The following SNX20 variants were observed in gnomAD, a reference collection of about 807,000 sequenced individuals.
SNX20 encodes sorting nexin-20.
In SNX20, 21 loss-of-function variants were observed where a neutral mutation model predicts 24.5. That is an observed-to-expected ratio of 0.86 (90% CI 0.61 to 1.23). SNX20 has a LOEUF of 1.23. Ranked by LOEUF, SNX20 falls within the 50% of genes most tolerant of loss-of-function variation. The probability of loss-of-function intolerance (pLI) is 0.00; values close to 1 mark genes in which losing one functional copy is unlikely to be tolerated. For missense variants in SNX20, 433 were observed against 430.8 expected (o/e 1.00, Z -0.04); for synonymous variants, 206 against 192.8 (o/e 1.07, Z -0.57).
chr16:50,670,722 TG>T (rs1963028446), downstream of SNX20: 3 of 152,276 alleles, frequency 2.0e-5, no homozygotes. Context: ...CTGCAGCATA[TG>T]GGAGATGCCA....
intron 1 of SNX20, among the ~76,000 whole-genome samples, chr16:50,680,099 C>T (rs1963264355): frequency 6.6e-6 from 1 of 152,224 alleles, no homozygotes; most frequent in Admixed American, 6.5e-5. Flanking sequence ...ATGGTTGTCT[C>T]TTACAGGTTT....
chr16:50,668,252 CT>C, downstream of SNX20: 6 of 1,424,646 alleles, frequency 4.2e-6, no homozygotes, highest in Non-Finnish European at 5.5e-6. Flanking sequence ...AACTTACCTC[CT>C]TTTGCAGGAC....
At position 50,672,096 on chromosome 16, in the gene SNX20, C is replaced by G. The variant is rs1963062330; in HGVS notation, c.*1310G>C. On this transcript the variant is annotated 3_prime_UTR_variant, in exon 4 of 4. Transcript: ENST00000330943. Reference sequence around the variant, plus strand: ...TCCAAGCCCTGTGTTGAATCTAGGTCATTGGTCCAGATGCCCCTTCATTCT... The same window carrying G: ...TCCAAGCCCTGTGTTGAATCTAGGTGATTGGTCCAGATGCCCCTTCATTCT... The G allele has an allele frequency of 6.6e-6, 1 of 152,238 alleles. No individual in the cohort carries two copies. The highest frequency in any genetic ancestry group is 2.4e-5 in the African/African-American group (1 of 41,458). 9.4% of individuals were successfully genotyped at this position (152,238 alleles called of 1,614,324 possible).
intron 1 of SNX20, among the ~76,000 whole-genome samples, chr16:50,679,264 A>AGATGGGG (rs989578916): frequency 1.2e-4 from 18 of 152,300 alleles, no homozygotes; most frequent in African/African-American, 3.6e-4. Flanking sequence ...CCCTGAGCAC[A>AGATGGGG]GATGGGGGCG....
At chr16:50,679,384 G>T (rs1350839549) in intron 1 of SNX20, among the ~76,000 whole-genome samples, 1 of 152,208 alleles carries the variant, frequency 6.6e-6, no homozygotes, top group Non-Finnish European at 1.5e-5. Flanking sequence ...CTGCACTTCA[G>T]GGGGAAGTGC....
downstream of SNX20, chr16:50,668,574 A>C (rs906964878): frequency 9.8e-7 from 1 of 1,015,424 alleles, no homozygotes; most frequent in African/African-American, 1.7e-5. Flanking sequence ...AAAGGAAAAC[A>C]GCTGGTGATT....
chr16:50,674,657 G>A (rs768453869), intron 3 of SNX20, among the ~76,000 whole-genome samples: 7 of 152,176 alleles, frequency 4.6e-5, no homozygotes, highest in Non-Finnish European at 7.3e-5. Flanking sequence ...TGCCCTGCAG[G>A]CTGCTGGGGT....
intron 3 of SNX20, among the ~76,000 whole-genome samples, 158 bp from the exon 4 acceptor site, chr16:50,674,232 T>C (rs1052810682): frequency 1.1e-4 from 13 of 118,112 alleles, no homozygotes. Flanking sequence ...TTTGTTTGTT[T>C]ATTTATTTAT....
Position 50,673,682 on chromosome 16 carries a change from G to A in SNX20, c.675C>T (p.Ala225=). 2 of 1,493,028 alleles carry A rather than the reference G, an allele frequency of 1.3e-6. No homozygotes were observed. The highest frequency in any genetic ancestry group is 2.7e-5 in the East Asian group (1 of 37,610). The allele number at this position is 1,493,028 out of a possible 1,614,324, so 92.5% of individuals were successfully genotyped here. ...GCACGGCGCACAGGGCCGGGACGGC[G>A]GCCGCAGGGCAGTGGGCGGTGAGCT... The part of the protein sequence containing the change: ...QEKLTAHCPA[A]AVPALCAVLL... Residue 225 remains alanine, a synonymous_variant, in exon 4 of 4, where the codon GCC becomes GCT. Coordinates refer to ENST00000330943, the MANE Select transcript of SNX20 (RefSeq NM_182854.4). This position sits in a 1 kb window ranked among gnomAD's most constrained non-coding sequence, Gnocchi z 4.1.
chr16:50,675,476 G>T (rs1567370251), intron 3 of SNX20, among the ~76,000 whole-genome samples: 1 of 152,198 alleles, frequency 6.6e-6, no homozygotes, highest in African/African-American at 2.4e-5. Flanking sequence ...ACAGTGATAT[G>T]GCAAAATTGG....
chr16:50,668,853 AG>A (rs1258806356), downstream of SNX20: 2 of 1,388,982 alleles, frequency 1.4e-6, no homozygotes, highest in African/African-American at 1.5e-5. Flanking sequence ...AGCAGAGCTA[AG>A]GGCATTCTAG....
At chr16:50,676,467 T>A (rs1009093727) in intron 2 of SNX20, among the ~76,000 whole-genome samples, 3 of 152,096 alleles carry the variant, frequency 2.0e-5, no homozygotes, top group Non-Finnish European at 4.4e-5. Context: ...CATCCAACCC[T>A]CTATTTCCAC....
In SNX20 at chr16:50,673,910, G is replaced by A. The variant is rs894065187; in HGVS notation, c.447C>T (p.Phe149=). The part of the protein sequence containing the change: ...EFPRKHLTGN[F]AEEMICERRR... ...GACGCTCACAGATCATCTCCTCAGC[G>A]AAGTTCCCAGTCAGGTGCTTCCTGG... Residue 149 remains phenylalanine (F), a synonymous_variant, in exon 4 of 4, where the codon TTC becomes TTT. Coordinates refer to ENST00000330943, the MANE Select transcript of SNX20 (RefSeq NM_182854.4). This position sits in a 1 kb window ranked among gnomAD's most constrained non-coding sequence, Gnocchi z 4.1. The A allele has an allele frequency of 2.5e-6, 4 of 1,611,556 alleles. No homozygotes were observed. Among genetic ancestry groups the A allele is most frequent in the African/African-American group, 1.3e-5 (1 of 74,878 alleles).
intron 3 of SNX20, 31 bp downstream of exon 3, chr16:50,675,739 G>C (rs780022954): frequency 3.0e-5 from 49 of 1,609,042 alleles, no homozygotes; most frequent in Non-Finnish European, 4.0e-5. Flanking sequence ...CAGAGTGAAA[G>C]AGGCTCCACC....
intron 2 of SNX20, among the ~76,000 whole-genome samples, chr16:50,676,232 G>A (rs565325992): frequency 1.3e-5 from 2 of 151,968 alleles, no homozygotes; most frequent in Admixed American, 1.3e-4. Flanking sequence ...TGGCCATGGT[G>A]AAATCCCTGC....
In SNX20 at chr16:50,673,609, C is replaced by T. The variant is rs1308268881; in HGVS notation, c.748G>A (p.Gly250Arg). Residue 250 changes from glycine to arginine, a missense_variant, in exon 4 of 4, where the codon GGA (glycine) becomes AGA (arginine). Coordinates refer to ENST00000330943, the MANE Select transcript of SNX20 (RefSeq NM_182854.4). The surrounding 1 kb of genome is among the most constrained non-coding windows in gnomAD (Gnocchi z 4.1). ...LDRPAEAFAA[G>R]ERALQRLQAR... ...TGCAGGCGCTGCAGGGCCCTCTCTCCGGCCGCGAAGGCCTCGGCGGGGCGG... is the reference window on the plus strand; with the variant it reads ...TGCAGGCGCTGCAGGGCCCTCTCTCTGGCCGCGAAGGCCTCGGCGGGGCGG... 4 of 1,576,846 alleles carry T rather than the reference C, an allele frequency of 2.5e-6. No homozygotes were observed. Among genetic ancestry groups the T allele is most frequent in the South Asian group, 2.3e-5 (2 of 88,406 alleles).
chr16:50,676,525 G>A (rs138564821), intron 2 of SNX20, among the ~76,000 whole-genome samples: 153 of 152,196 alleles, frequency 1.0e-3, no homozygotes, highest in Non-Finnish European at 1.8e-3. Context: ...TGAGCCCTGC[G>A]CCACTCTGAG....
intron 3 of SNX20, among the ~76,000 whole-genome samples, chr16:50,675,356 T>C (rs1276166388): frequency 2.0e-5 from 3 of 152,258 alleles, no homozygotes; most frequent in Non-Finnish European, 4.4e-5. Context: ...TTGTGCCATG[T>C]GATATTGGTT....
chr16:50,675,744 TCCA>T, intron 3 of SNX20, 23 bp downstream of exon 3: 2 of 1,610,388 alleles, frequency 1.2e-6, no homozygotes, highest in Non-Finnish European at 1.7e-6. Flanking sequence ...TGAAAGAGGC[TCCA>T]CCATTTCCCA....
Sources: allele counts gnomAD v4.1 joint callset (sites outside exome capture counted in the v4.1 genomes callset), GRCh38; gene constraint gnomAD v4.1.1; non-coding constraint Gnocchi (gnomAD v3.1); transcripts MANE v1.5; gene names NCBI Gene and HGNC (gene_info 2026-07-23, HGNC 2026-07-21).